Variants in HMCN1 observed in about 807,000 individuals in gnomAD.
HMCN1 encodes hemicentin-1.
In HMCN1, 321 loss-of-function variants were observed where a neutral mutation model predicts 625.9. That is an observed-to-expected ratio of 0.51 (90% CI 0.47 to 0.56). The LOEUF (loss-of-function observed/expected upper bound fraction) is 0.56, where lower values mean the gene tolerates loss of function less well. Ranked by LOEUF, HMCN1 falls within the 20% of genes least tolerant of loss-of-function variation. HMCN1 has a pLI of 0.00. For synonymous variants in HMCN1, 2,425 were observed against 2,417.6 expected (o/e 1.00, Z -0.09); for missense variants, 6,588 against 6,887.3 (o/e 0.96, Z 1.54).
chr1:186,132,458 C>A, intron 86 of HMCN1, 49 bp downstream of exon 86: 1 of 1,336,582 alleles, frequency 7.5e-7, no homozygotes, highest in Non-Finnish European at 1.1e-6. Context: ...GGAAATATTA[C>A]CTAATAAAGA....
At chr1:185,970,205 G>T (rs1650712430) in intron 14 of HMCN1, 130 bp from the exon 15 acceptor site, 1 of 830,570 alleles carries the variant, frequency 1.2e-6, no homozygotes, top group Non-Finnish European at 2.1e-6. Context: ...AAGTGTCTAT[G>T]TTGTGCCAAA....
chr1:185,825,289 C>G (rs1035447310), intron 1 of HMCN1, among the ~76,000 whole-genome samples: 19 of 152,082 alleles, frequency 1.2e-4, no homozygotes, highest in African/African-American at 4.3e-4. Context: ...TAGCAAAGGT[C>G]TTCACTTTAA....
At chr1:185,996,845 G>A (rs1030876942) in intron 24 of HMCN1, among the ~76,000 whole-genome samples, 14 of 152,056 alleles carry the variant, frequency 9.2e-5, no homozygotes, top group Admixed American at 4.6e-4. Context: ...GGGGCACTTA[G>A]GAAAGAACAG....
chr1:185,778,800 G>A (rs1355382645), intron 1 of HMCN1, among the ~76,000 whole-genome samples: 1 of 152,042 alleles, frequency 6.6e-6, no homozygotes, highest in African/African-American at 2.4e-5. Context: ...GTGCTGTAAT[G>A]CACATACGTG....
Position 185,994,936 on chromosome 1 carries a change from CACTATGCTGGTTGAT to C in HMCN1, c.3628_3642del (p.Thr1210_Asp1214del). ...TAATCACCTGGTCCAAAGGTGGAAG[CACTATGCTGGTTGAT>C]GGAGAGCACCATGTTAGCAATCCAG... On this transcript the variant is annotated inframe_deletion, in exon 24 of 107. Coordinates refer to ENST00000271588, the MANE Select transcript of HMCN1 (RefSeq NM_031935.3). 1 of 1,613,936 alleles carries C rather than the reference CACTATGCTGGTTGAT, an allele frequency of 6.2e-7. No homozygotes were observed. Among genetic ancestry groups the C allele is most frequent in the Admixed American group, 1.7e-5 (1 of 59,988 alleles).
chr1:186,111,206 C>T (rs1031440799), intron 71 of HMCN1, among the ~76,000 whole-genome samples: 3 of 151,752 alleles, frequency 2.0e-5, no homozygotes, highest in African/African-American at 7.3e-5. Context: ...TGGTCTCGAT[C>T]TCCTGACCTC....
chr1:185,983,208 A>C (rs1026828518), intron 18 of HMCN1, among the ~76,000 whole-genome samples: 16 of 152,168 alleles, frequency 1.1e-4, no homozygotes, highest in African/African-American at 3.6e-4. Context: ...AAATGTTTAC[A>C]GTTCTATGAA....
chr1:186,123,384 G>A (rs1280342082), intron 81 of HMCN1, among the ~76,000 whole-genome samples, 164 bp downstream of exon 81: 4 of 152,162 alleles, frequency 2.6e-5, no homozygotes, highest in Admixed American at 2.0e-4. Flanking sequence ...GTTTTCTGTA[G>A]GCTGTGTTTC....
chr1:185,865,515 A>G (rs772169882), intron 3 of HMCN1, among the ~76,000 whole-genome samples: 11 of 151,914 alleles, frequency 7.2e-5, no homozygotes, highest in Non-Finnish European at 1.5e-4. Context: ...CTTCTAAAAT[A>G]TAAATCACCA....
At position 185,797,389 on chromosome 1, in the gene HMCN1, C is replaced by G. The variant is rs7544529; in HGVS notation, c.269-48637C>G. 9.0e-3 allele frequency among the ~76,000 whole-genome samples: 1,368 copies of G among 152,284 alleles called. 30 individuals are homozygous for G. The highest frequency in any genetic ancestry group is 0.032 in the African/African-American group (1,322 of 41,566). On this transcript the variant is annotated intron_variant, in intron 1 of 106. Transcript: ENST00000271588. ...CACAAATCTCAGATCAATGTAACCT[C>G]AAACCTCTAGGCTTAAGCAGTCTTT...
At chr1:185,861,039 G>A (rs1198418378) in intron 2 of HMCN1, among the ~76,000 whole-genome samples, 1 of 152,100 alleles carries the variant, frequency 6.6e-6, no homozygotes, top group Non-Finnish European at 1.5e-5. Context: ...ATTTTAGGTT[G>A]AGCTTGAAGT....
intron 30 of HMCN1, among the ~76,000 whole-genome samples, chr1:186,010,866 A>G (rs531708945): frequency 6.6e-6 from 1 of 152,300 alleles, no homozygotes; most frequent in African/African-American, 2.4e-5. Flanking sequence ...ACAAATTTCT[A>G]CAAAATTGTT....
chr1:185,785,712 T>C (rs540987944), intron 1 of HMCN1, among the ~76,000 whole-genome samples: 11 of 152,334 alleles, frequency 7.2e-5, no homozygotes, highest in African/African-American at 2.6e-4. Context: ...AGGAAACATT[T>C]TTCTTCAGTG....
chr1:185,871,582 T>G (rs1001727073), intron 4 of HMCN1, among the ~76,000 whole-genome samples: 2 of 152,206 alleles, frequency 1.3e-5, no homozygotes, highest in African/African-American at 4.8e-5. Context: ...AGAGGAAAGT[T>G]GAGCTTACTA....
chr1:186,001,721 A>G lies in HMCN1; in HGVS notation c.4328A>G (p.Tyr1443Cys), dbSNP rs1285320228. The G allele has an allele frequency of 1.2e-5, 19 of 1,612,348 alleles. No homozygotes were observed. The highest frequency in any genetic ancestry group is 2.2e-5 in the South Asian group (2 of 91,052). The change falls in exon 28 of 107, where the codon TAC becomes TGC. Residue 1443 changes from tyrosine (Y) to cysteine (C), a missense_variant. This residue lies in a region of HMCN1 where 4,628 missense variants were observed against 4,853.1 expected (regional missense o/e 0.95). Transcript: ENST00000271588. ...AINIAGTSQK[Y>C]FNIDVLVPPT... ...AATATTGCAGGCACTTCTCAGAAGT[A>G]CTTTAACATTGATGTGCTAGGTAAG...
chr1:186,173,640 C>CAAAAAAAAAAA (rs762258823), intron 102 of HMCN1, among the ~76,000 whole-genome samples: 13 of 74,586 alleles, frequency 1.7e-4, no homozygotes, highest in Admixed American at 3.5e-4. Flanking sequence ...GACTCCATCT[C>CAAAAAAAAAAA]AAAAAAAAAA....
In HMCN1 at chr1:186,113,084, G is replaced by T. The variant is rs1443813489; in HGVS notation, c.11131+131G>T. ...TCTTACTGCTTTTGAAAAAGGCAAC[G>T]TGGAGTATTTGTATTATATCTATAC... On this transcript the variant is annotated intron_variant, in intron 72 of 106. Coordinates refer to ENST00000271588, the MANE Select transcript of HMCN1 (RefSeq NM_031935.3). The T allele has an allele frequency of 6.9e-6, 7 of 1,008,072 alleles. No homozygotes were observed. The African/African-American group carries it at 1.1e-4, about 16-fold the overall frequency. The allele number at this position is 1,008,072 out of a possible 1,614,324, so 62.4% of individuals were successfully genotyped here.
chr1:186,004,203 C>T (rs1452463030), intron 29 of HMCN1, among the ~76,000 whole-genome samples: 1 of 152,116 alleles, frequency 6.6e-6, no homozygotes, highest in Non-Finnish European at 1.5e-5. Flanking sequence ...TTTATGACAG[C>T]AAAATGAATA....
chr1:186,008,666 G>A (rs937642299), intron 30 of HMCN1, among the ~76,000 whole-genome samples: 2 of 152,086 alleles, frequency 1.3e-5, no homozygotes, highest in African/African-American at 4.8e-5. Flanking sequence ...AGTTTTCTCA[G>A]CCTTAAAATG....
Sources: allele counts gnomAD v4.1 joint callset (sites outside exome capture counted in the v4.1 genomes callset), GRCh38; gene constraint gnomAD v4.1.1; regional missense constraint gnomAD v4.1.1; transcripts MANE v1.5; gene names NCBI Gene and HGNC (gene_info 2026-07-23, HGNC 2026-07-21).